Variants in RORA observed in about 807,000 individuals in gnomAD.
RORA encodes nuclear receptor ROR-alpha.
In RORA, 7 loss-of-function variants were observed where a neutral mutation model predicts 69.5. That is an observed-to-expected ratio of 0.10 (90% confidence interval 0.06 to 0.19). The LOEUF (loss-of-function observed/expected upper bound fraction) is 0.19, where lower values mean the gene tolerates loss of function less well. RORA is among the 10% of genes least tolerant of loss of function. The probability of loss-of-function intolerance (pLI) is 1.00; values close to 1 mark genes in which losing one functional copy is unlikely to be tolerated. For synonymous variants in RORA, 261 were observed against 240.8 expected, an observed-to-expected ratio of 1.08 and a Z score of -0.78; for missense variants, 457 against 663.0, an observed-to-expected ratio of 0.69 and a Z score of 3.41.
At chr15:60,685,665 C>A (rs2070734569) in intron 1 of RORA, among the ~76,000 whole-genome samples, 1 of 152,186 alleles carries the variant, frequency 6.6e-6, no homozygotes. Context: ...ACTGAAAGTG[C>A]TCCAAGTAAT....
intron 1 of RORA, among the ~76,000 whole-genome samples, chr15:60,885,193 T>A (rs28457235): frequency 6.6e-6 from 1 of 152,218 alleles, no homozygotes; most frequent in African/African-American, 2.4e-5. Flanking sequence ...GCCATGCCCA[T>A]CTGGGGCTCA....
chr15:60,575,282 C>T (rs1356870862), intron 2 of RORA, among the ~76,000 whole-genome samples: 1 of 152,170 alleles, frequency 6.6e-6, no homozygotes, highest in Non-Finnish European at 1.5e-5. Context: ...CATTCAAAAG[C>T]CAATGGCTAT....
chr15:60,645,060 T>A (rs540872916), intron 2 of RORA, among the ~76,000 whole-genome samples: 2 of 152,324 alleles, frequency 1.3e-5, no homozygotes, highest in Admixed American at 1.3e-4. Context: ...TGATATATAA[T>A]GAGTCACAGA....
chr15:60,627,097 G>T, intron 2 of RORA: 1 of 757,788 alleles, frequency 1.3e-6, no homozygotes. Flanking sequence ...AAGGGTAACA[G>T]TCCTCATGGG....
intron 1 of RORA, among the ~76,000 whole-genome samples, chr15:61,008,656 T>C (rs745955055): frequency 1.1e-4 from 17 of 152,164 alleles, no homozygotes; most frequent in Non-Finnish European, 2.4e-4. Flanking sequence ...AATGCGCATG[T>C]AGATGGAATT....
At chr15:60,643,945 C>T (rs2069990393) in intron 2 of RORA, among the ~76,000 whole-genome samples, 1 of 152,072 alleles carries the variant, frequency 6.6e-6, no homozygotes, top group African/African-American at 2.4e-5. Context: ...ATGAGGGCTT[C>T]TCTGAGACTT....
intron 1 of RORA, among the ~76,000 whole-genome samples, chr15:61,186,157 T>C (rs2079739154): frequency 6.6e-6 from 1 of 152,252 alleles, no homozygotes; most frequent in African/African-American, 2.4e-5. Context: ...AGCCTTCATA[T>C]GCATCTGTCA....
chr15:60,631,985 A>G (rs1333916431), intron 2 of RORA, among the ~76,000 whole-genome samples: 1 of 152,266 alleles, frequency 6.6e-6, no homozygotes, highest in African/African-American at 2.4e-5. Flanking sequence ...TACTTTTATA[A>G]GAACCCAATA....
At chr15:60,674,540 AG>A (rs779652839) in intron 2 of RORA, among the ~76,000 whole-genome samples, 1 of 152,332 alleles carries the variant, frequency 6.6e-6, no homozygotes, top group East Asian at 1.9e-4. Context: ...TGGATGCAAA[AG>A]ATTAGTTCTC....
At chr15:61,197,026 A>T (rs1306045478) in intron 1 of RORA, among the ~76,000 whole-genome samples, 1 of 152,178 alleles carries the variant, frequency 6.6e-6, no homozygotes, top group Non-Finnish European at 1.5e-5. Flanking sequence ...AAATTTAAAG[A>T]CATATTGCCC....
chr15:60,651,866 C>A lies in RORA; in HGVS notation c.196+26791G>T, dbSNP rs114352236. ...GGGAACCATAAATATCAGGCTTGAGCCCTGAGGGCTAGAATTTCATGGGCC... is the reference window on the plus strand; with the variant it reads ...GGGAACCATAAATATCAGGCTTGAGACCTGAGGGCTAGAATTTCATGGGCC... On this transcript the variant is annotated intron_variant, in intron 2 of 10. Coordinates refer to ENST00000335670, the MANE Select transcript of RORA (RefSeq NM_134261.3). Among the ~76,000 whole-genome samples, 1,439 of 152,286 alleles carry A rather than the reference C, an allele frequency of 9.4e-3. 25 individuals are homozygous for A. The highest frequency in any genetic ancestry group is 0.033 in the African/African-American group (1,357 of 41,546).
intron 1 of RORA, among the ~76,000 whole-genome samples, chr15:60,890,696 T>G (rs2073804364): frequency 6.6e-6 from 1 of 152,242 alleles, no homozygotes; most frequent in Admixed American, 6.5e-5. Context: ...AATCCTGGAT[T>G]ATAAATAATT....
At chr15:61,165,186 T>A (rs898970512) in intron 1 of RORA, among the ~76,000 whole-genome samples, 1 of 152,216 alleles carries the variant, frequency 6.6e-6, no homozygotes, top group Non-Finnish European at 1.5e-5. Flanking sequence ...ACAGGGAGTA[T>A]CTTCCCCACG....
At chr15:60,816,847 T>C (rs1159038413) in intron 1 of RORA, among the ~76,000 whole-genome samples, 1 of 152,186 alleles carries the variant, frequency 6.6e-6, no homozygotes, top group Non-Finnish European at 1.5e-5. Context: ...TATGTTTTTC[T>C]AATGGGTTAA....
intron 1 of RORA, among the ~76,000 whole-genome samples, chr15:60,800,726 G>GC (rs1024108572): frequency 6.6e-6 from 1 of 151,964 alleles, no homozygotes; most frequent in Non-Finnish European, 1.5e-5. Context: ...CTACCTCCCA[G>GC]CCCCCCAAAC....
intron 1 of RORA, among the ~76,000 whole-genome samples, chr15:60,904,723 A>G (rs536010483): frequency 6.6e-6 from 1 of 152,354 alleles, no homozygotes; most frequent in Non-Finnish European, 1.5e-5. Context: ...AAATGAGCAC[A>G]GAGACAGAAA....
intron 1 of RORA, among the ~76,000 whole-genome samples, chr15:60,705,026 A>G (rs1371362107): frequency 2.0e-5 from 3 of 152,194 alleles, no homozygotes. Flanking sequence ...GAGGCATTGC[A>G]GACGTTTGCT....
chr15:60,892,353 C>A (rs1182258012), intron 1 of RORA, among the ~76,000 whole-genome samples: 3 of 152,130 alleles, frequency 2.0e-5, no homozygotes, highest in Non-Finnish European at 4.4e-5. Flanking sequence ...ATATTTTTAA[C>A]TTTTTTCCAG....
chr15:60,975,023 T>A (rs1419196208), intron 1 of RORA, among the ~76,000 whole-genome samples: 1 of 152,190 alleles, frequency 6.6e-6, no homozygotes, highest in Non-Finnish European at 1.5e-5. Flanking sequence ...AAGGCCAGAC[T>A]GCAGAGAGCC....
Sources: gnomAD v4.1 joint callset for allele counts (sites outside exome capture counted in the v4.1 genomes callset) on GRCh38, gnomAD v4.1.1 for gene constraint, MANE v1.5 for transcripts, NCBI Gene and HGNC (gene_info 2026-07-23, HGNC 2026-07-21) for gene names.